The following PTPRJ variants were observed in gnomAD, a reference collection of about 807,000 sequenced individuals.
The protein encoded by PTPRJ is protein tyrosine phosphatase receptor type J, also known as receptor-type tyrosine-protein phosphatase eta.
In PTPRJ, 129 loss-of-function variants were observed where a neutral mutation model predicts 141.3. The ratio of observed to expected loss-of-function variants is 0.91; its 90% CI spans 0.79 to 1.06. The LOEUF (loss-of-function observed/expected upper bound fraction) is 1.06, where lower values mean the gene tolerates loss of function less well. Among genes scored for constraint, PTPRJ ranks in the 50% least tolerant of loss-of-function variants. The pLI is 0.00. For missense variants in PTPRJ, 1,601 were observed against 1,679.7 expected (o/e 0.95, Z 0.82); for synonymous variants, 610 against 640.5 (o/e 0.95, Z 0.72).
chr11:48,022,379 G>A (rs965263096), intron 1 of PTPRJ, among the ~76,000 whole-genome samples: 1 of 151,878 alleles, frequency 6.6e-6, no homozygotes, highest in Admixed American at 6.6e-5. Flanking sequence ...CAGGAGAATC[G>A]CTTGAACCTG....
At chr11:48,069,103 CTT>C (rs150807752) in intron 1 of PTPRJ, among the ~76,000 whole-genome samples, 6 of 142,934 alleles carry the variant, frequency 4.2e-5, no homozygotes, top group African/African-American at 1.3e-4. Flanking sequence ...TTCAAATGTT[CTT>C]TTTTTTTTTT....
intron 1 of PTPRJ, among the ~76,000 whole-genome samples, chr11:47,984,683 C>T (rs1396971492): frequency 2.0e-5 from 3 of 152,044 alleles, no homozygotes; most frequent in Non-Finnish European, 1.5e-5. Context: ...CTCAGCCTCC[C>T]GAGTAGCTGG....
intron 1 of PTPRJ, among the ~76,000 whole-genome samples, chr11:48,092,978 A>G (rs1439731929): frequency 6.6e-6 from 1 of 152,218 alleles, no homozygotes; most frequent in Non-Finnish European, 1.5e-5. Context: ...GAATATTATC[A>G]AATGCTTTTC....
intron 3 of PTPRJ, among the ~76,000 whole-genome samples, chr11:48,114,175 A>G (rs1366934325): frequency 6.6e-6 from 1 of 152,188 alleles, no homozygotes; most frequent in Admixed American, 6.5e-5. Flanking sequence ...ACAGTGGCTC[A>G]TGCCTGTAAT....
rs1458387464 is a variant in PTPRJ, at chr11:48,056,234, T to C, written c.97-53824T>C. 2.0e-5 allele frequency among the ~76,000 whole-genome samples: 3 copies of C among 152,230 alleles called. No homozygotes were observed. In the South Asian group the frequency reaches 6.2e-4, roughly 32 times the overall value. Reference sequence around the variant, plus strand: ...TCTGAATAGAAGTTAGACGCACACATAATTGCTTTACTTGATGCAGTAAAT... The same window carrying C: ...TCTGAATAGAAGTTAGACGCACACACAATTGCTTTACTTGATGCAGTAAAT... On this transcript the variant is annotated intron_variant, in intron 1 of 24. Coordinates refer to ENST00000418331, the MANE Select transcript of PTPRJ (RefSeq NM_002843.4).
At chr11:48,076,657 G>T (rs1258982704) in intron 1 of PTPRJ, among the ~76,000 whole-genome samples, 4 of 152,098 alleles carry the variant, frequency 2.6e-5, no homozygotes, top group African/African-American at 9.7e-5. Flanking sequence ...ATCAATGGAA[G>T]ACCCTGTGGC....
At chr11:48,127,628 G>A (rs538663881) in intron 6 of PTPRJ, 152 bp from the exon 7 acceptor site, 7 of 786,454 alleles carry the variant, frequency 8.9e-6, no homozygotes, top group East Asian at 5.2e-5. Flanking sequence ...GGCTGGGACC[G>A]TCATGCTTTC....
intron 1 of PTPRJ, among the ~76,000 whole-genome samples, chr11:48,095,242 C>A (rs1272689225): frequency 6.6e-6 from 1 of 152,090 alleles, no homozygotes; most frequent in Non-Finnish European, 1.5e-5. Flanking sequence ...AAGTTTAAGC[C>A]CATGAAAGGA....
At chr11:48,023,861 C>T (rs747138671) in intron 1 of PTPRJ, among the ~76,000 whole-genome samples, 5 of 151,772 alleles carry the variant, frequency 3.3e-5, no homozygotes, top group Admixed American at 6.6e-5. Context: ...TTCTTCAATT[C>T]CAGTTTTTAT....
At chr11:47,991,184 G>A (rs1046369573) in intron 1 of PTPRJ, among the ~76,000 whole-genome samples, 1 of 152,076 alleles carries the variant, frequency 6.6e-6, no homozygotes, top group Non-Finnish European at 1.5e-5. Flanking sequence ...AACGTGCATA[G>A]TTAAATAAAT....
chr11:47,981,936 G>A (rs1223098434), intron 1 of PTPRJ, among the ~76,000 whole-genome samples: 1 of 152,254 alleles, frequency 6.6e-6, no homozygotes, highest in African/African-American at 2.4e-5. Context: ...AGGGGAAGCG[G>A]TCTAGGGCTG....
At chr11:48,128,801 A>T (rs1173985352) in intron 7 of PTPRJ, among the ~76,000 whole-genome samples, 2 of 151,348 alleles carry the variant, frequency 1.3e-5, no homozygotes, top group African/African-American at 4.9e-5. Context: ...ACTTGAACTC[A>T]GGGGTGTGTG....
chr11:48,156,195 A>T, intron 21 of PTPRJ, 76 bp downstream of exon 21: 1 of 1,307,988 alleles, frequency 7.6e-7, no homozygotes, highest in African/African-American at 1.5e-5. Context: ...GTATCTTAAA[A>T]ACCATTTGTT....
chr11:48,136,373 C>A, intron 9 of PTPRJ, 77 bp downstream of exon 9: 1 of 1,518,516 alleles, frequency 6.6e-7, no homozygotes, highest in South Asian at 1.2e-5. Flanking sequence ...TAAATGATGG[C>A]CAGTGTGCTT....
Position 47,980,625 on chromosome 11 carries a change from G to A in PTPRJ, c.-288G>A. 1 of 983,806 alleles carries A rather than the reference G, an allele frequency of 1.0e-6. No individual in the cohort carries two copies. The highest frequency in any genetic ancestry group is 4.7e-5 in the South Asian group (1 of 21,298). 60.9% of individuals were successfully genotyped at this position (983,806 alleles called of 1,614,324 possible). The stretch of plus-strand genomic sequence containing the variant: ...CCGCGGGAGCCGGGACCGGGTAGCC[G>A]CGCGCTGGGGGTGGGCGCCGCTCGC... On this transcript the variant is annotated 5_prime_UTR_variant, in exon 1 of 25. Coordinates refer to ENST00000418331, the MANE Select transcript of PTPRJ (RefSeq NM_002843.4).
chr11:47,988,876 C>CTTTTTTTTTTTTT (rs1854116991), intron 1 of PTPRJ, among the ~76,000 whole-genome samples: 1 of 107,806 alleles, frequency 9.3e-6, no homozygotes, highest in African/African-American at 4.4e-5. Flanking sequence ...AAAATTGTAT[C>CTTTTTTTTTTTTT]TTGTTTTTTT....
Position 48,160,081 on chromosome 11 carries a change from T to G in PTPRJ, c.3558+32T>G, listed in dbSNP as rs755418972. ...AAGAAGTCAGGATCAGTTGAGCTCA[T>G]GTAATTACCATATGTTAATTTGGGG... On this transcript the variant is annotated intron_variant, in intron 22 of 24. Transcript: ENST00000418331. The G allele has an allele frequency of 1.1e-5, 18 of 1,607,974 alleles. No individual in the cohort carries two copies. In the South Asian group the frequency reaches 2.0e-4, roughly 18 times the overall value.
intron 1 of PTPRJ, among the ~76,000 whole-genome samples, chr11:48,004,480 G>T (rs1464647379): frequency 1.3e-5 from 2 of 152,186 alleles, no homozygotes; most frequent in Non-Finnish European, 2.9e-5. Context: ...AGGAAAACAG[G>T]CTGGTCCAGG....
intron 3 of PTPRJ, among the ~76,000 whole-genome samples, chr11:48,116,010 C>T (rs138290009): frequency 9.5e-4 from 145 of 152,048 alleles, no homozygotes; most frequent in African/African-American, 3.4e-3. Flanking sequence ...TAAGAGAGGA[C>T]GGAAGGAACA....
Sources: allele counts gnomAD v4.1 joint callset (sites outside exome capture counted in the v4.1 genomes callset), GRCh38; gene constraint gnomAD v4.1.1; transcripts MANE v1.5; gene names NCBI Gene and HGNC (gene_info 2026-07-23, HGNC 2026-07-21).